The following LAMC2 variants were observed in gnomAD, a reference collection of about 807,000 sequenced individuals.
The protein encoded by LAMC2 is laminin subunit gamma-2.
In LAMC2, 97 loss-of-function variants were observed where a neutral mutation model predicts 140.2. That is an observed-to-expected ratio of 0.69 (90% CI 0.59 to 0.82). The LOEUF (loss-of-function observed/expected upper bound fraction) is 0.82. Ranked by LOEUF, LAMC2 falls within the 40% of genes least tolerant of loss-of-function variation. LAMC2 has a pLI of 0.00. For missense variants in LAMC2, 1,402 were observed against 1,476.1 expected, an observed-to-expected ratio of 0.95 and a Z score of 0.82; for synonymous variants, 513 against 540.2, an observed-to-expected ratio of 0.95 and a Z score of 0.70.
chr1:183,245,825 C>T (rs965260112), downstream of LAMC2, among the ~76,000 whole-genome samples: 5 of 152,180 alleles, frequency 3.3e-5, no homozygotes, highest in Non-Finnish European at 7.4e-5. Flanking sequence ...TAGTTAATAA[C>T]CACGGTATGT....
chr1:183,195,562 G>A (rs775452674), intron 1 of LAMC2, among the ~76,000 whole-genome samples: 34 of 152,244 alleles, frequency 2.2e-4, no homozygotes, highest in Non-Finnish European at 4.4e-4. Flanking sequence ...AACTGGTGCC[G>A]TGCCCTTTAT....
Position 183,215,737 on chromosome 1 carries a change from C to A in LAMC2, c.404+149C>A, listed in dbSNP as rs567251044. 1.8e-5 allele frequency: 17 copies of A among 946,902 alleles called. No homozygotes were observed. In the East Asian group the frequency reaches 3.9e-4, roughly 22 times the overall value. The allele number at this position is 946,902 out of a possible 1,614,324, so 58.7% of individuals were successfully genotyped here. On this transcript the variant is annotated intron_variant, in intron 3 of 22. Transcript: ENST00000264144. ...TTTGGGCTATCTACTTTAATCCTCA[C>A]AATACCCCTAAGAGGTTGGGATTAT...
In LAMC2 at chr1:183,238,437, T is replaced by G; in HGVS notation, c.2869+16T>G. ...AACCTCAGAGGTTAGTACTTCATGG[T>G]TCAGGTCACTTGAGTATTTTAAGTG... On this transcript the variant is annotated intron_variant, in intron 19 of 22. Transcript: ENST00000264144. 1 of 1,532,890 alleles carries G rather than the reference T, an allele frequency of 6.5e-7. No individual in the cohort carries two copies. The highest frequency in any genetic ancestry group is 9.0e-7 in the Non-Finnish European group (1 of 1,105,808). The allele number at this position is 1,532,890 out of a possible 1,614,324, so 95.0% of individuals were successfully genotyped here. A position where few individuals can be genotyped will look rare whatever the true frequency, so the allele number is the denominator to read the frequency against.
chr1:183,242,541 A>G (rs761753302), intron 22 of LAMC2, among the ~76,000 whole-genome samples: 49 of 152,184 alleles, frequency 3.2e-4, no homozygotes, highest in Non-Finnish European at 6.6e-4. Context: ...AACAAACGTG[A>G]TTTTATTTTA....
At chr1:183,226,624 A>G (rs1171209319) in intron 8 of LAMC2, 74 bp from the exon 9 acceptor site, 4 of 1,305,354 alleles carry the variant, frequency 3.1e-6, no homozygotes, top group Non-Finnish European at 3.3e-6. Flanking sequence ...GAAAAATAAA[A>G]TCCCAAGAGA....
chr1:183,222,852 G>T (rs1659515114), intron 6 of LAMC2, among the ~76,000 whole-genome samples: 1 of 152,116 alleles, frequency 6.6e-6, no homozygotes, highest in Non-Finnish European at 1.5e-5. Context: ...ATAGGCCTGG[G>T]ATTTTTACAA....
At chr1:183,238,994 G>A (rs1660048170) in intron 19 of LAMC2, among the ~76,000 whole-genome samples, 1 of 152,164 alleles carries the variant, frequency 6.6e-6, no homozygotes, top group South Asian at 2.1e-4. Flanking sequence ...TTTCTTCATG[G>A]AAAGTACTTC....
At chr1:183,255,954 G>A in the LAMC2 span, among the ~76,000 whole-genome samples, 36,790 of 151,696 alleles carry the variant, frequency 0.24, 5,050 homozygotes, top group African/African-American at 0.36. Flanking sequence ...GTGAGCCACC[G>A]TGCCTGGCTG....
chr1:183,224,241 G>C (rs1455597090), intron 7 of LAMC2, among the ~76,000 whole-genome samples: 3 of 152,146 alleles, frequency 2.0e-5, no homozygotes, highest in Admixed American at 6.5e-5. Flanking sequence ...GTGAATATAT[G>C]TGGGGATGCA....
intron 1 of LAMC2, among the ~76,000 whole-genome samples, chr1:183,191,737 TAATCCCA>T (rs1360171288): frequency 6.6e-6 from 1 of 152,108 alleles, no homozygotes; most frequent in African/African-American, 2.4e-5. Context: ...CATGTGCCTA[TAATCCCA>T]GCTACTCAGG....
chr1:183,189,711 G>A (rs1181052645), intron 1 of LAMC2, among the ~76,000 whole-genome samples: 2 of 152,130 alleles, frequency 1.3e-5, no homozygotes, highest in Admixed American at 1.3e-4. Flanking sequence ...GAGGATAGAG[G>A]AAAATCAAAG....
At chr1:183,258,787 C>G in the LAMC2 span, among the ~76,000 whole-genome samples, 4 of 151,958 alleles carry the variant, frequency 2.6e-5, no homozygotes, top group Non-Finnish European at 4.4e-5. Context: ...GAATTTGCGG[C>G]CCCCCACCCA....
chr1:183,239,283 T>TG (rs1319612980), intron 19 of LAMC2, 81 bp from the exon 20 acceptor site: 2 of 1,267,986 alleles, frequency 1.6e-6, no homozygotes, highest in African/African-American at 2.9e-5. Flanking sequence ...TCAGGAATTT[T>TG]TCTTTACAAC....
intron 11 of LAMC2, among the ~76,000 whole-genome samples, chr1:183,230,757 A>G (rs1659773007): frequency 6.6e-6 from 1 of 152,244 alleles, no homozygotes; most frequent in Non-Finnish European, 1.5e-5. Context: ...GAGTGCTGCC[A>G]GAAAGGCTGT....
chr1:183,194,252 A>C (rs971213815), intron 1 of LAMC2, among the ~76,000 whole-genome samples: 1 of 78,648 alleles, frequency 1.3e-5, no homozygotes, highest in Non-Finnish European at 2.2e-5. Flanking sequence ...TTTTTTCTGA[A>C]AAAAAAAAAA....
intron 2 of LAMC2, among the ~76,000 whole-genome samples, chr1:183,214,737 G>A (rs1436108019): frequency 6.6e-6 from 1 of 152,162 alleles, no homozygotes; most frequent in Non-Finnish European, 1.5e-5. Context: ...AGAAGGTGGA[G>A]CTGGAATGGG....
At chr1:183,203,108 A>T (rs1243346568) in intron 1 of LAMC2, among the ~76,000 whole-genome samples, 1 of 152,234 alleles carries the variant, frequency 6.6e-6, no homozygotes, top group Non-Finnish European at 1.5e-5. Flanking sequence ...TTGTTTCAAA[A>T]ATATATATTT....
In LAMC2 at chr1:183,232,329, C is replaced by T. The variant is rs766436738; in HGVS notation, c.2000C>T (p.Ala667Val). 1 of 1,613,962 alleles carries T rather than the reference C, an allele frequency of 6.2e-7. No homozygotes were observed. Among genetic ancestry groups the T allele is most frequent in the Non-Finnish European group, 8.5e-7 (1 of 1,179,994 alleles). The stretch of plus-strand genomic sequence containing the variant: ...GCCCTTCAGGACATTCTGAGAGATG[C>T]CCAGATTTCAGAAGGTGATGAAGGC... Reference protein sequence around the residue: ...EQALQDILRDAQISEGASRSL... With the variant: ...EQALQDILRDVQISEGASRSL... The change falls in exon 13 of 23, where the codon GCC becomes GTC. Residue 667 changes from alanine to valine, a missense_variant. Ala to Val is a moderately conservative substitution (Grantham distance 64). Around this residue, in one of 3 missense-constraint regions of LAMC2, gnomAD observed 670 missense variants for 667.2 expected, o/e 1.00. Coordinates refer to ENST00000264144, the MANE Select transcript of LAMC2 (RefSeq NM_005562.3).
chr1:183,193,214 A>T (rs941607767), intron 1 of LAMC2, among the ~76,000 whole-genome samples: 1 of 152,228 alleles, frequency 6.6e-6, no homozygotes, highest in Non-Finnish European at 1.5e-5. Flanking sequence ...CATTAACAAG[A>T]GAACAGATTT....
Sources: allele counts gnomAD v4.1 joint callset (sites outside exome capture counted in the v4.1 genomes callset), GRCh38; gene constraint gnomAD v4.1.1; regional missense constraint gnomAD v4.1.1; transcripts MANE v1.5; gene names NCBI Gene and HGNC (gene_info 2026-07-23, HGNC 2026-07-21).